The following INPP5A variants were observed in gnomAD, a reference collection of about 807,000 sequenced individuals.
The protein encoded by INPP5A is inositol polyphosphate-5-phosphatase A.
Under a neutral mutation model 65.2 loss-of-function variants are expected in INPP5A, and 14 were observed. The observed-to-expected ratio is 0.21, with a 90% confidence interval of 0.14 to 0.34. The LOEUF is 0.34. Ranked by LOEUF, INPP5A falls within the 10% of genes least tolerant of loss-of-function variation. The pLI, the probability that INPP5A is intolerant of heterozygous loss-of-function variation, is 1.00. For synonymous variants in INPP5A, 207 were observed against 208.3 expected (o/e 0.99, Z 0.05); for missense variants, 431 against 545.6 (o/e 0.79, Z 2.09).
intron 11 of INPP5A, among the ~76,000 whole-genome samples, chr10:132,756,398 G>T (rs1003064538): frequency 6.6e-6 from 1 of 152,180 alleles, no homozygotes; most frequent in Non-Finnish European, 1.5e-5. Flanking sequence ...GCGTGTACTT[G>T]TATGCACTTG....
At chr10:132,725,054 C>T (rs1207963402) in intron 8 of INPP5A, among the ~76,000 whole-genome samples, 2 of 152,126 alleles carry the variant, frequency 1.3e-5, no homozygotes, top group South Asian at 2.1e-4. Flanking sequence ...GCCATATTCA[C>T]CGCAGATGGG....
Position 132,617,217 on chromosome 10 carries a change from C to T in INPP5A, c.117+9261C>T, listed in dbSNP as rs143013972. ...AGGCTGAGGCAGAGCCAGGACAGAC[C>T]CTGCTTGGCCCTGGGCTCTGGCTCT... On this transcript the variant is annotated intron_variant, in intron 2 of 15. Coordinates refer to ENST00000368594, the MANE Select transcript of INPP5A (RefSeq NM_005539.5). Among the ~76,000 whole-genome samples the T allele has an allele frequency of 1.2e-4, 18 of 152,258 alleles. No individual in the cohort carries two copies. The East Asian group carries it at 3.5e-3, about 29-fold the overall frequency.
intron 11 of INPP5A, among the ~76,000 whole-genome samples, chr10:132,764,382 T>G (rs1393279620): frequency 1.7e-3 from 209 of 120,964 alleles, no homozygotes; most frequent in Middle Eastern, 5.6e-3. Flanking sequence ...TCCTGCAGGG[T>G]TGAGAGGGTG....
chr10:132,750,047 C>T (rs981015109), intron 11 of INPP5A, among the ~76,000 whole-genome samples: 5 of 152,226 alleles, frequency 3.3e-5, no homozygotes, highest in African/African-American at 7.2e-5. Flanking sequence ...GTGGAGGCTC[C>T]GTATCACTGT....
chr10:132,766,168 T>G (rs1254366504), intron 12 of INPP5A, among the ~76,000 whole-genome samples: 1 of 152,132 alleles, frequency 6.6e-6, no homozygotes, highest in Non-Finnish European at 1.5e-5. Flanking sequence ...ACGTGTGTGT[T>G]CTTGTGTGCA....
chr10:132,648,165 G>A (rs78992941), intron 3 of INPP5A, among the ~76,000 whole-genome samples: 2,253 of 152,380 alleles, frequency 0.015, 33 homozygotes, highest in South Asian at 0.039. Context: ...AGCAGCCCCT[G>A]TTGGGAAGCA....
intron 8 of INPP5A, among the ~76,000 whole-genome samples, chr10:132,719,461 C>A (rs563448733): frequency 1.9e-3 from 264 of 139,204 alleles, no homozygotes; most frequent in African/African-American, 7.1e-3. Flanking sequence ...TCTGTCTGGG[C>A]ACCTTAGACG....
At position 132,749,474 on chromosome 10, in the gene INPP5A, G is replaced by C. The variant is rs764655331; in HGVS notation, c.733-43G>C. 7.0e-6 allele frequency: 11 copies of C among 1,574,278 alleles called. No homozygotes were observed. The African/African-American group carries it at 9.4e-5, about 14-fold the overall frequency. ...TGTCGGGTGACGCTGCCATGGGCAG[G>C]TGGGCCCCCCTGGGACTTATCTCCG... On this transcript the variant is annotated intron_variant, in intron 9 of 15. Transcript: ENST00000368594.
At chr10:132,691,885 C>T (rs1008231319) in intron 5 of INPP5A, among the ~76,000 whole-genome samples, 1 of 151,678 alleles carries the variant, frequency 6.6e-6, no homozygotes, top group African/African-American at 2.4e-5. Flanking sequence ...GACGTGTGGT[C>T]GCGGGAGACA....
intron 11 of INPP5A, among the ~76,000 whole-genome samples, chr10:132,760,791 G>A (rs1846718836): frequency 6.6e-6 from 1 of 152,192 alleles, no homozygotes; most frequent in African/African-American, 2.4e-5. Context: ...TCCTTCCTGG[G>A]CGGTCCTTTG....
At chr10:132,611,655 C>A (rs1223767185) in intron 2 of INPP5A, among the ~76,000 whole-genome samples, 11 of 92,580 alleles carry the variant, frequency 1.2e-4, no homozygotes, top group Admixed American at 2.4e-4. Flanking sequence ...GTGAGGTGGG[C>A]AGGGGAGAGG....
At chr10:132,773,896 G>A (rs1379380482) in intron 12 of INPP5A, among the ~76,000 whole-genome samples, 2 of 152,194 alleles carry the variant, frequency 1.3e-5, no homozygotes, top group African/African-American at 4.8e-5. Flanking sequence ...AAGTAGCTGG[G>A]ACTACAGGTG....
chr10:132,638,848 G>A (rs2072391902), intron 2 of INPP5A, among the ~76,000 whole-genome samples: 2 of 152,326 alleles, frequency 1.3e-5, no homozygotes, highest in South Asian at 2.1e-4. Context: ...GATTAGAGGT[G>A]TGAGCCATTG....
At chr10:132,723,200 G>A (rs1319826217) in intron 8 of INPP5A, among the ~76,000 whole-genome samples, 2 of 152,258 alleles carry the variant, frequency 1.3e-5, no homozygotes, top group East Asian at 3.9e-4. Flanking sequence ...GCGTCGCCTG[G>A]CGGCTTTCTC....
chr10:132,732,689 G>A (rs1031471132), intron 9 of INPP5A, among the ~76,000 whole-genome samples: 1 of 152,142 alleles, frequency 6.6e-6, no homozygotes, highest in African/African-American at 2.4e-5. Context: ...CCACGGGGAG[G>A]ACCCTGAGGC....
intron 1 of INPP5A, among the ~76,000 whole-genome samples, chr10:132,579,158 C>T (rs1279808994): frequency 6.6e-6 from 1 of 151,618 alleles, no homozygotes; most frequent in African/African-American, 2.4e-5. Context: ...GGCAGAGCCG[C>T]GCCGGTTGCG....
intron 6 of INPP5A, among the ~76,000 whole-genome samples, chr10:132,701,173 C>G (rs1407439159): frequency 6.6e-6 from 1 of 152,212 alleles, no homozygotes; most frequent in Admixed American, 6.5e-5. Context: ...GCTGGATTCG[C>G]TATCCATCTG....
intron 8 of INPP5A, among the ~76,000 whole-genome samples, chr10:132,712,135 ACAG>A (rs1421590055): frequency 6.6e-6 from 1 of 152,356 alleles, no homozygotes. Flanking sequence ...ATGAAGGAGA[ACAG>A]CAGCCAGCAG....
Position 132,663,753 on chromosome 10 carries a change from G to C in INPP5A, c.306+13248G>C, listed in dbSNP as rs374585587. The stretch of plus-strand genomic sequence containing the variant: ...TCCTTGCCTTTTGGGGAGGGTCCCT[G>C]GTGCTCTGTGAGCAGATTCGCCCCT... On this transcript the variant is annotated intron_variant, in intron 4 of 15. Transcript: ENST00000368594. The surrounding 1 kb of genome is among the most constrained non-coding windows in gnomAD (Gnocchi z 4.5). Among the ~76,000 whole-genome samples, 2 of 152,154 alleles carry C rather than the reference G, an allele frequency of 1.3e-5. No homozygotes were observed. The highest frequency in any genetic ancestry group is 4.8e-5 in the African/African-American group (2 of 41,434).
Sources: allele counts gnomAD v4.1 joint callset (sites outside exome capture counted in the v4.1 genomes callset), GRCh38; gene constraint gnomAD v4.1.1; non-coding constraint Gnocchi (gnomAD v3.1); transcripts MANE v1.5; gene names NCBI Gene and HGNC (gene_info 2026-07-23, HGNC 2026-07-21).